RCN2: variants seen among roughly 807,000 people sequenced by gnomAD.
RCN2 encodes reticulocalbin 2.
Under a neutral mutation model 37.5 loss-of-function variants are expected in RCN2, and 23 were observed. The observed-to-expected ratio is 0.61, with a 90% CI of 0.44 to 0.87. The LOEUF is 0.87. Among genes scored for constraint, RCN2 ranks in the 40% least tolerant of loss-of-function variants. RCN2 has a pLI of 0.00. For missense variants in RCN2, 381 were observed against 390.4 expected, an observed-to-expected ratio of 0.98 and a Z score of 0.20; for synonymous variants, 140 against 144.6, an observed-to-expected ratio of 0.97 and a Z score of 0.23.
Position 76,952,993 on chromosome 15 carries a change from G to C in RCN2, c.*3771G>C, listed in dbSNP as rs1281687819. 2.0e-5 allele frequency: 3 copies of C among 151,462 alleles called. No individual in the cohort carries two copies. The highest frequency in any genetic ancestry group is 4.4e-5 in the Non-Finnish European group (3 of 68,184). The allele number at this position is 151,462 out of a possible 1,614,324, so 9.4% of individuals were successfully genotyped here. The stretch of plus-strand genomic sequence containing the variant: ...TTGTCATCCAGGCTGGAGTGCAGTG[G>C]TGCGATCTCGGCTCACTGCAACCTC... On this transcript the variant is annotated 3_prime_UTR_variant, in exon 7 of 7. Transcript: ENST00000394885.
At chr15:76,948,891 A>T in intron 6 of RCN2, 179 bp from the exon 7 acceptor site, 1 of 632,436 alleles carries the variant, frequency 1.6e-6, no homozygotes, top group Non-Finnish European at 2.7e-6. Flanking sequence ...AAATGAAGAA[A>T]GGAGATAATG....
chr15:76,937,117 C>T (rs781174359), intron 3 of RCN2, among the ~76,000 whole-genome samples: 5 of 152,148 alleles, frequency 3.3e-5, no homozygotes, highest in Non-Finnish European at 5.9e-5. Flanking sequence ...AATTTCCTTC[C>T]TTTTTAAGGC....
chr15:76,946,444 A>G (rs2075297052), intron 4 of RCN2, among the ~76,000 whole-genome samples: 2 of 149,084 alleles, frequency 1.3e-5, no homozygotes, highest in Admixed American at 6.7e-5. Context: ...ATGAGATCCT[A>G]TGTTAAAAAA....
At chr15:76,932,090 C>A in intron 1 of RCN2, 105 bp downstream of exon 1, 1 of 1,133,214 alleles carries the variant, frequency 8.8e-7, no homozygotes, top group Non-Finnish European at 1.1e-6. Flanking sequence ...CTGGCAGGGG[C>A]GGCCTGACAA....
In RCN2 at chr15:76,951,129, A is replaced by G. The variant is rs1198983571; in HGVS notation, c.*1907A>G. The G allele has an allele frequency of 1.3e-5, 2 of 152,262 alleles. No homozygotes were observed. The highest frequency in any genetic ancestry group is 2.4e-5 in the African/African-American group (1 of 41,466). The allele number at this position is 152,262 out of a possible 1,614,324, so 9.4% of individuals were successfully genotyped here. ...TTTCTCTCTAGCTTCTCCAAAATCT[A>G]TGCCAGAATAGATCATCAGATATGG... On this transcript the variant is annotated 3_prime_UTR_variant, in exon 7 of 7. Transcript: ENST00000394885.
intron 2 of RCN2, among the ~76,000 whole-genome samples, chr15:76,933,942 T>G (rs1248510742): frequency 6.6e-6 from 1 of 152,172 alleles, no homozygotes; most frequent in Non-Finnish European, 1.5e-5. Context: ...ATTTACTAGT[T>G]GTGAAGGCTT....
chr15:76,947,505 A>C lies in RCN2; in HGVS notation c.646A>C (p.Arg216=), dbSNP rs772343896. Reference sequence around the variant, plus strand: ...TTTGGAAGAATTTCTTGGTGATTACAGGTGGGATCCAAGTAAGTCACCTGG... The same window carrying C: ...TTTGGAAGAATTTCTTGGTGATTACCGGTGGGATCCAAGTAAGTCACCTGG... The part of the protein sequence containing the change: ...VSLEEFLGDY[R]WDPTANEDPE... The change falls in exon 5 of 7, where the codon AGG becomes CGG. Residue 216 remains arginine (R), a synonymous_variant. Transcript: ENST00000394885. The C allele has an allele frequency of 1.3e-6, 2 of 1,599,264 alleles. No individual in the cohort carries two copies.
Position 76,931,941 on chromosome 15 carries a change from G to T in RCN2, c.100G>T (p.Glu34Ter). Reference protein sequence around the residue: ...KAEELHYPLGERRSDYDREAL... With the variant: ...KAEELHYPLG Reference sequence around the variant, plus strand: ...CGAGGAGCTGCACTACCCGCTGGGCGAGCGCCGCAGCGACTACGACCGCGA... The same window carrying T: ...CGAGGAGCTGCACTACCCGCTGGGCTAGCGCCGCAGCGACTACGACCGCGA... Residue 34 changes from glutamate (E) to a stop codon, truncating the protein, a stop_gained, in exon 1 of 7, where the codon GAG (glutamate) becomes TAG (stop). Coordinates refer to ENST00000394885, the MANE Select transcript of RCN2 (RefSeq NM_002902.3). LOFTEE classifies it high-confidence loss of function. 1 of 1,295,582 alleles carries T rather than the reference G, an allele frequency of 7.7e-7. No individual in the cohort carries two copies. The allele number at this position is 1,295,582 out of a possible 1,614,324, so 80.3% of individuals were successfully genotyped here.
chr15:76,953,817 C>A lies in RCN2; in HGVS notation c.*4595C>A, dbSNP rs2075336709. 7.9e-4 allele frequency: 2 copies of A among 2,528 alleles called. No homozygotes were observed. The highest frequency in any genetic ancestry group is 8.4e-4 in the African/African-American group (2 of 2,392). 0.2% of individuals were successfully genotyped at this position (2,528 alleles called of 1,614,324 possible). A position where few individuals can be genotyped will look rare whatever the true frequency, so the allele number is the denominator to read the frequency against. On this transcript the variant is annotated 3_prime_UTR_variant, in exon 7 of 7. Coordinates refer to ENST00000394885, the MANE Select transcript of RCN2 (RefSeq NM_002902.3). ...AGAGACGGGGTTTCACCGTGTTAGCCAGGATGGTCTTGATCTGCTGACCTC... is the reference window on the plus strand; with the variant it reads ...AGAGACGGGGTTTCACCGTGTTAGCAAGGATGGTCTTGATCTGCTGACCTC...
At chr15:76,941,996 A>T (rs1312175653) in intron 3 of RCN2, 1 of 221,852 alleles carries the variant, frequency 4.5e-6, no homozygotes, top group Non-Finnish European at 8.7e-6. Flanking sequence ...ACCATGTTAA[A>T]CCTGAACATA....
chr15:76,940,864 A>C (rs974177227), intron 3 of RCN2, among the ~76,000 whole-genome samples: 9 of 151,284 alleles, frequency 5.9e-5, no homozygotes, highest in Admixed American at 5.9e-4. Context: ...GCCCAGTCTG[A>C]ATTTTATCTT....
Position 76,940,231 on chromosome 15 carries a change from G to C in RCN2, c.448-3527G>C, listed in dbSNP as rs991330929. ...TGTAGTCCCAGCTGCTCAGGAGGCT[G>C]AAGTAGGAGGATTGCTTGAGCCCAG... On this transcript the variant is annotated intron_variant, in intron 3 of 6. Coordinates refer to ENST00000394885, the MANE Select transcript of RCN2 (RefSeq NM_002902.3). Among the ~76,000 whole-genome samples, 2 of 151,748 alleles carry C rather than the reference G, an allele frequency of 1.3e-5. 1 individual carries two copies. The highest frequency in any genetic ancestry group is 4.8e-5 in the African/African-American group (2 of 41,312).
rs2075221442 is a variant in RCN2 at position 76,931,768 on chromosome 15, G to A, written c.-74G>A. The A allele has an allele frequency of 8.9e-7, 1 of 1,120,684 alleles. No individual in the cohort carries two copies. The highest frequency in any genetic ancestry group is 4.3e-5 in the South Asian group (1 of 23,340). 69.4% of individuals were successfully genotyped at this position (1,120,684 alleles called of 1,614,324 possible). On this transcript the variant is annotated 5_prime_UTR_variant, in exon 1 of 7. Coordinates refer to ENST00000394885, the MANE Select transcript of RCN2 (RefSeq NM_002902.3). ...CACCGCCTCTCTGTAGCCGCCCGCGGAGCATCGCAGCCGGCCCGGGCCCCC... is the reference window on the plus strand; with the variant it reads ...CACCGCCTCTCTGTAGCCGCCCGCGAAGCATCGCAGCCGGCCCGGGCCCCC...
At position 76,952,363 on chromosome 15, in the gene RCN2, C is replaced by CCCT. The variant is rs2075325512; in HGVS notation, c.*3144_*3146dup. 6.6e-6 allele frequency: 1 copy of CCCT among 150,776 alleles called. No homozygotes were observed. Among genetic ancestry groups the CCCT allele is most frequent in the South Asian group, 2.1e-4 (1 of 4,766 alleles). The allele number at this position is 150,776 out of a possible 1,614,324, so 9.3% of individuals were successfully genotyped here. A position where few individuals can be genotyped will look rare whatever the true frequency, so the allele number is the denominator to read the frequency against. ...AAGTCTTTCTGCTCCACCTATTCAT[C>CCCT]CCTCCCTTCCCTGTAACCCCAAGCA... On this transcript the variant is annotated 3_prime_UTR_variant, in exon 7 of 7. Coordinates refer to ENST00000394885, the MANE Select transcript of RCN2 (RefSeq NM_002902.3).
rs781247327 is a variant in RCN2 at position 76,952,092 on chromosome 15, T to G, written c.*2870T>G. ...TGAGCAAAAAGTAGTATAGAGAGTTTCAATATGTCCCCTGCCCCACATACG... is the reference window on the plus strand; with the variant it reads ...TGAGCAAAAAGTAGTATAGAGAGTTGCAATATGTCCCCTGCCCCACATACG... On this transcript the variant is annotated 3_prime_UTR_variant, in exon 7 of 7. Transcript: ENST00000394885. 6 of 152,022 alleles carry G rather than the reference T, an allele frequency of 3.9e-5. No homozygotes were observed. Among genetic ancestry groups the G allele is most frequent in the Non-Finnish European group, 7.4e-5 (5 of 68,010 alleles). 9.4% of individuals were successfully genotyped at this position (152,022 alleles called of 1,614,324 possible). A position where few individuals can be genotyped will look rare whatever the true frequency, so the allele number is the denominator to read the frequency against.
At position 76,935,733 on chromosome 15, in the gene RCN2, G is replaced by A. The variant is rs1596002388; in HGVS notation, c.447+11G>A. 1 of 1,600,156 alleles carries A rather than the reference G, an allele frequency of 6.2e-7. No individual in the cohort carries two copies. ...GAGTCCTTTAGGAAGGTGAGTTCAT[G>A]TGCACAAGCTGTTTCTTTTGATCAT... On this transcript the variant is annotated intron_variant, in intron 3 of 6. Coordinates refer to ENST00000394885, the MANE Select transcript of RCN2 (RefSeq NM_002902.3).
intron 6 of RCN2, chr15:76,948,809 G>T: frequency 1.9e-6 from 1 of 525,174 alleles, no homozygotes; most frequent in Non-Finnish European, 3.3e-6. Context: ...ACTCAAAACA[G>T]GTTATAATAA....
At position 76,954,130 on chromosome 15, in the gene RCN2, A is replaced by G. The variant is rs528885213; in HGVS notation, c.*4908A>G. On this transcript the variant is annotated 3_prime_UTR_variant, in exon 7 of 7. Transcript: ENST00000394885. ...TGTGGCTTTGATTTGCATTTCCCTA[A>G]TGGTCTGTCTCTACAGTTTTGCCTG... is the stretch of plus-strand genomic sequence containing the variant. 5 of 148,610 alleles carry G rather than the reference A, an allele frequency of 3.4e-5. No homozygotes were observed. Among genetic ancestry groups the G allele is most frequent in the African/African-American group, 1.2e-4 (5 of 40,126 alleles). 9.2% of individuals were successfully genotyped at this position (148,610 alleles called of 1,614,324 possible). A position where few individuals can be genotyped will look rare whatever the true frequency, so the allele number is the denominator to read the frequency against.
chr15:76,947,552 G>T, intron 5 of RCN2, 35 bp downstream of exon 5: 1 of 1,329,596 alleles, frequency 7.5e-7, no homozygotes. Flanking sequence ...AAGAGAAAAG[G>T]AATTGAAGAA....
Sources: gnomAD v4.1 joint callset for allele counts (sites outside exome capture counted in the v4.1 genomes callset) on GRCh38, gnomAD v4.1.1 for gene constraint, MANE v1.5 for transcripts, NCBI Gene and HGNC (gene_info 2026-07-23, HGNC 2026-07-21) for gene names.